Variants in B9D1 observed in about 807,000 individuals in gnomAD.
B9D1 encodes the protein B9 domain containing 1, also known as B9 domain-containing protein 1.
In B9D1, 20 loss-of-function variants were observed where a neutral mutation model predicts 26.1. The ratio of observed to expected loss-of-function variants is 0.77; its 90% CI spans 0.54 to 1.12. The LOEUF (loss-of-function observed/expected upper bound fraction) is 1.12, where lower values mean the gene tolerates loss of function less well. B9D1 is among the 50% of genes most tolerant of loss of function. The pLI, the probability that B9D1 is intolerant of heterozygous loss-of-function variation, is 0.00. For missense variants in B9D1, 260 were observed against 273.7 expected (o/e 0.95, Z 0.35); for synonymous variants, 105 against 103.1 (o/e 1.02, Z -0.11).
downstream of B9D1, chr17:19,335,561 TG>T (rs1459060040): frequency 1.1e-5 from 14 of 1,236,022 alleles, no homozygotes; most frequent in African/African-American, 3.1e-5. Context: ...GGGCGTGGGG[TG>T]GGGGGTGCTT....
chr17:19,361,567 G>A (rs940068947), intron 1 of B9D1, among the ~76,000 whole-genome samples: 6 of 152,138 alleles, frequency 3.9e-5, no homozygotes, highest in African/African-American at 1.4e-4. Flanking sequence ...CCCCTAATAG[G>A]AAAGGACAGG....
intron 3 of B9D1, among the ~76,000 whole-genome samples, chr17:19,350,770 G>A (rs2152266351): frequency 6.6e-6 from 1 of 152,184 alleles, no homozygotes; most frequent in South Asian, 2.1e-4. Flanking sequence ...AGTTTACTAA[G>A]CTTTTATCAT....
chr17:19,352,979 CTTCT>C (rs1164584823), intron 3 of B9D1, among the ~76,000 whole-genome samples: 4 of 150,038 alleles, frequency 2.7e-5, no homozygotes, highest in Non-Finnish European at 4.4e-5. Context: ...TCTTTTACTA[CTTCT>C]TTTTTTTTTT....
upstream of B9D1, chr17:19,362,809 A>C (rs770439047): frequency 2.0e-4 from 252 of 1,236,782 alleles, no homozygotes; most frequent in Non-Finnish European, 2.7e-4. Context: ...TCCTTAGGGC[A>C]GGTATGACCG....
chr17:19,343,673 T>G (rs1908278972), intron 6 of B9D1, 117 bp downstream of exon 6: 3 of 1,607,220 alleles, frequency 1.9e-6, no homozygotes, highest in Non-Finnish European at 2.5e-6. Flanking sequence ...GGAACATTTG[T>G]GGGCTAGCTC....
chr17:19,350,416 T>C (rs1037222894), intron 3 of B9D1, among the ~76,000 whole-genome samples: 2 of 151,050 alleles, frequency 1.3e-5, no homozygotes, highest in East Asian at 2.0e-4. Flanking sequence ...TGTGGTCGCA[T>C]GTGCCTGTAG....
chr17:19,352,039 C>A (rs1248461114), intron 3 of B9D1, among the ~76,000 whole-genome samples: 1 of 152,114 alleles, frequency 6.6e-6, no homozygotes, highest in African/African-American at 2.4e-5. Flanking sequence ...GTTTGAGCCA[C>A]TGTGCCTGGC....
chr17:19,343,563 G>A, intron 6 of B9D1, 102 bp from the exon 7 acceptor site: 3 of 1,586,726 alleles, frequency 1.9e-6, no homozygotes, highest in Admixed American at 1.8e-5. Flanking sequence ...GTAAAATGGG[G>A]ACAACAGTGC....
intron 3 of B9D1, among the ~76,000 whole-genome samples, chr17:19,354,687 G>A (rs886382963): frequency 6.6e-6 from 1 of 152,058 alleles, no homozygotes; most frequent in Admixed American, 6.6e-5. Context: ...AATTAGCCAG[G>A]CATGGTGGCA....
intron 3 of B9D1, among the ~76,000 whole-genome samples, chr17:19,348,848 G>A (rs964165201): frequency 6.6e-6 from 1 of 152,200 alleles, no homozygotes; most frequent in Non-Finnish European, 1.5e-5. Context: ...TTCCTGTAAA[G>A]GGGCGTGTTC....
downstream of B9D1, chr17:19,335,437 A>G (rs1213977936): frequency 1.3e-6 from 2 of 1,550,080 alleles, no homozygotes; most frequent in Non-Finnish European, 1.7e-6. Context: ...TCTGTTTACA[A>G]TGGAAATCTG....
upstream of B9D1, among the ~76,000 whole-genome samples, chr17:19,367,196 G>A (rs1340837511): frequency 6.6e-6 from 1 of 152,132 alleles, no homozygotes; most frequent in Non-Finnish European, 1.5e-5. Context: ...AGCCAGCATG[G>A]CAGATTTGCC....
chr17:19,355,379 A>G lies in B9D1; in HGVS notation c.244+2461T>C, dbSNP rs569028056. Among the ~76,000 whole-genome samples the G allele has an allele frequency of 2.0e-5, 3 of 152,230 alleles. No individual in the cohort carries two copies. In the East Asian group the frequency reaches 5.8e-4, roughly 29 times the overall value. ...CCTGTATCTACTAAAAATACAAAAA[A>G]TTAGCCGGACATGGTGGTGCATGCC... On this transcript the variant is annotated intron_variant, in intron 3 of 6. Transcript: ENST00000261499.
intron 3 of B9D1, among the ~76,000 whole-genome samples, chr17:19,353,501 A>C (rs1212922333): frequency 6.6e-6 from 1 of 151,808 alleles, no homozygotes; most frequent in Non-Finnish European, 1.5e-5. Flanking sequence ...TCAGCTGGGC[A>C]TAGTGGCAGG....
At chr17:19,338,789 A>G (rs541319097), downstream of B9D1, among the ~76,000 whole-genome samples, 2 of 152,240 alleles carry the variant, frequency 1.3e-5, no homozygotes, top group Non-Finnish European at 2.9e-5. Flanking sequence ...CATGTGAGTA[A>G]TCATCTTGGT....
At position 19,362,677 on chromosome 17, in the gene B9D1, G is replaced by A. The variant is rs199908550; in HGVS notation, c.-108C>T. On this transcript the variant is annotated 5_prime_UTR_variant, in exon 1 of 7. Transcript: ENST00000261499. ...GCGTAGCGCGCAGGACACGTTTCTT[G>A]GCAGCGACACCTTCGCGAAGGCCAC... The A allele has an allele frequency of 2.6e-6, 4 of 1,544,366 alleles. No homozygotes were observed. The highest frequency in any genetic ancestry group is 1.7e-4 in the Middle Eastern group (1 of 5,976).
At chr17:19,343,982 C>T (rs1908349809) in intron 5 of B9D1, 125 bp from the exon 6 acceptor site, 9 of 1,426,678 alleles carry the variant, frequency 6.3e-6, no homozygotes, top group South Asian at 1.3e-5. Context: ...CACCCCACCC[C>T]CACCAGGAGT....
At chr17:19,354,268 G>T (rs1384070577) in intron 3 of B9D1, among the ~76,000 whole-genome samples, 1 of 152,098 alleles carries the variant, frequency 6.6e-6, no homozygotes, top group Non-Finnish European at 1.5e-5. Context: ...CTCACTACCG[G>T]ATCACCACTG....
intron 5 of B9D1, among the ~76,000 whole-genome samples, chr17:19,345,002 G>T (rs1908567190): frequency 6.6e-6 from 1 of 152,242 alleles, no homozygotes. Flanking sequence ...GAGGACTGGG[G>T]CCTGGGAGCA....
Sources: gnomAD v4.1 joint callset for allele counts (sites outside exome capture counted in the v4.1 genomes callset) on GRCh38, gnomAD v4.1.1 for gene constraint, MANE v1.5 for transcripts, NCBI Gene and HGNC (gene_info 2026-07-23, HGNC 2026-07-21) for gene names.